The following TMEM181 variants were observed in gnomAD, a reference collection of about 807,000 sequenced individuals.
TMEM181 encodes transmembrane protein 181.
A neutral mutation model predicts 71.9 loss-of-function variants in TMEM181; 39 were observed. That is an observed-to-expected ratio of 0.54 (90% CI 0.42 to 0.71). TMEM181 has a LOEUF of 0.71. TMEM181 is among the 30% of genes least tolerant of loss of function. The probability of loss-of-function intolerance (pLI) is 0.00; values close to 1 mark genes in which losing one functional copy is unlikely to be tolerated. For missense variants in TMEM181, 595 were observed against 583.0 expected (o/e 1.02, Z -0.21); for synonymous variants, 245 against 228.8 (o/e 1.07, Z -0.64).
At position 158,571,488 on chromosome 6, in the gene TMEM181, C is replaced by T. The variant is rs542746432; in HGVS notation, c.9-1932C>T. 8.9e-5 allele frequency among the ~76,000 whole-genome samples: 12 copies of T among 134,568 alleles called. 3 individuals are homozygous for T. In the South Asian group the frequency reaches 9.3e-4, roughly 10 times the overall value. 88.3% of individuals were successfully genotyped at this position (134,568 alleles called of 152,430 possible). Reference sequence around the variant, plus strand: ...CTAATTTTTGTATTTTTAGTAGAGACGGGGTTTCATCGTGTTGGCCAGGAT... The same window carrying T: ...CTAATTTTTGTATTTTTAGTAGAGATGGGGTTTCATCGTGTTGGCCAGGAT... On this transcript the variant is annotated intron_variant, in intron 1 of 16. Transcript: ENST00000684151.
At chr6:158,577,166 CAG>C (rs1464800207) in intron 2 of TMEM181, among the ~76,000 whole-genome samples, 4 of 151,286 alleles carry the variant, frequency 2.6e-5, no homozygotes, top group Non-Finnish European at 5.9e-5. Context: ...GACCATATGA[CAG>C]ATCTGTTAGG....
chr6:158,603,027 CT>C (rs1487310381), intron 6 of TMEM181, among the ~76,000 whole-genome samples: 1 of 152,184 alleles, frequency 6.6e-6, no homozygotes, highest in Non-Finnish European at 1.5e-5. Flanking sequence ...TAAGATTTTT[CT>C]CTCACGGTGC....
At chr6:158,609,440 C>T (rs991393629) in intron 10 of TMEM181, among the ~76,000 whole-genome samples, 1 of 152,122 alleles carries the variant, frequency 6.6e-6, no homozygotes, top group Non-Finnish European at 1.5e-5. Context: ...TCCTTCTTTG[C>T]TCCTACCTTG....
chr6:158,538,641 G>T (rs768900366), intron 1 of TMEM181, among the ~76,000 whole-genome samples: 1 of 152,148 alleles, frequency 6.6e-6, no homozygotes, highest in African/African-American at 2.4e-5. Context: ...TCCTGCTGTT[G>T]TTCTAGGCGT....
intron 1 of TMEM181, among the ~76,000 whole-genome samples, chr6:158,543,231 A>G (rs1582913149): frequency 6.6e-6 from 1 of 152,170 alleles, no homozygotes; most frequent in Admixed American, 6.5e-5. Context: ...AAAAATAAAG[A>G]TATAATTTCC....
At position 158,615,666 on chromosome 6, in the gene TMEM181, G is replaced by A. The variant is rs374126015; in HGVS notation, c.896+6916G>A. 3.3e-5 allele frequency among the ~76,000 whole-genome samples: 5 copies of A among 152,174 alleles called. No individual in the cohort carries two copies. The East Asian group carries it at 7.7e-4, about 23-fold the overall frequency. ...CATCTTGAATTAATTTTTGTATAGGGTGTAAGGAAGAGATCCCATTTCAGC... is the reference window on the plus strand; with the variant it reads ...CATCTTGAATTAATTTTTGTATAGGATGTAAGGAAGAGATCCCATTTCAGC... On this transcript the variant is annotated intron_variant, in intron 10 of 16. Transcript: ENST00000684151.
At chr6:158,538,457 T>TTTTTA (rs1000999022) in intron 1 of TMEM181, among the ~76,000 whole-genome samples, 1 of 151,960 alleles carries the variant, frequency 6.6e-6, no homozygotes, top group Non-Finnish European at 1.5e-5. Context: ...GCCTGGCCTT[T>TTTTTA]TTTTTTTTTC....
At chr6:158,544,720 TGCTCA>T (rs1781469537) in intron 1 of TMEM181, among the ~76,000 whole-genome samples, 1 of 152,122 alleles carries the variant, frequency 6.6e-6, no homozygotes, top group Admixed American at 6.5e-5. Context: ...CCCCCTCCCC[TGCTCA>T]ATGGACAGCT....
intron 1 of TMEM181, among the ~76,000 whole-genome samples, chr6:158,545,399 C>T (rs886489157): frequency 6.6e-5 from 10 of 152,248 alleles, no homozygotes; most frequent in Admixed American, 4.6e-4. Flanking sequence ...TGACGGATCT[C>T]GCTGGAGCAG....
intron 1 of TMEM181, among the ~76,000 whole-genome samples, chr6:158,554,425 G>A (rs1781814202): frequency 6.6e-6 from 1 of 152,130 alleles, no homozygotes; most frequent in South Asian, 2.1e-4. Flanking sequence ...TTGCCATGTT[G>A]GCCAGGCTGG....
intron 1 of TMEM181, among the ~76,000 whole-genome samples, chr6:158,544,211 G>GTGTA (rs1303771643): frequency 4.6e-5 from 7 of 151,562 alleles, no homozygotes; most frequent in African/African-American, 1.7e-4. Context: ...GTGTGTGTGT[G>GTGTA]TGTGTGTTGG....
intron 3 of TMEM181, among the ~76,000 whole-genome samples, chr6:158,583,001 G>A (rs868065617): frequency 1.3e-5 from 2 of 152,098 alleles, no homozygotes; most frequent in African/African-American, 2.4e-5. Context: ...TTGGGAGGCC[G>A]AGGTGGGCTG....
At chr6:158,574,531 G>A (rs1012987385) in intron 2 of TMEM181, among the ~76,000 whole-genome samples, 6 of 152,116 alleles carry the variant, frequency 3.9e-5, no homozygotes, top group Non-Finnish European at 2.9e-5. Flanking sequence ...GCCACCTTCT[G>A]TTATTTTAAG....
rs1786802305 is a variant in TMEM181, at chr6:158,633,959, G to A, written c.*2071G>A. The stretch of plus-strand genomic sequence containing the variant: ...TTTAATCATAATTGTCCATGATTTT[G>A]GAATGCTGTTATTTATCAGTAAATG... On this transcript the variant is annotated 3_prime_UTR_variant, in exon 17 of 17. Coordinates refer to ENST00000684151, the MANE Select transcript of TMEM181 (RefSeq NM_001376852.1). 1 of 152,054 alleles carries A rather than the reference G, an allele frequency of 6.6e-6. No individual in the cohort carries two copies. 9.4% of individuals were successfully genotyped at this position (152,054 alleles called of 1,614,324 possible). A position where few individuals can be genotyped will look rare whatever the true frequency, so the allele number is the denominator to read the frequency against.
intron 1 of TMEM181, among the ~76,000 whole-genome samples, chr6:158,544,659 C>T (rs887540780): frequency 4.6e-5 from 7 of 152,158 alleles, no homozygotes; most frequent in Non-Finnish European, 8.8e-5. Flanking sequence ...GTCTTCCCGC[C>T]TTCCTTCCGG....
intron 10 of TMEM181, among the ~76,000 whole-genome samples, chr6:158,618,439 T>C (rs1785748749): frequency 6.6e-6 from 1 of 152,234 alleles, no homozygotes; most frequent in African/African-American, 2.4e-5. Context: ...GTCTTGACTC[T>C]TTATCCAATT....
intron 1 of TMEM181, among the ~76,000 whole-genome samples, chr6:158,562,110 G>A (rs1782213149): frequency 6.6e-6 from 1 of 151,876 alleles, no homozygotes. Flanking sequence ...GTGTGTAGGG[G>A]ACCGTCCCCC....
At chr6:158,599,692 C>G (rs1157652506) in intron 6 of TMEM181, among the ~76,000 whole-genome samples, 1 of 152,226 alleles carries the variant, frequency 6.6e-6, no homozygotes, top group Non-Finnish European at 1.5e-5. Flanking sequence ...GCTGGGCTTG[C>G]TCCTGTGGAC....
At chr6:158,585,201 A>C (rs1451585037) in intron 4 of TMEM181, 103 bp from the exon 5 acceptor site, 12 of 1,317,166 alleles carry the variant, frequency 9.1e-6, no homozygotes, top group Non-Finnish European at 1.2e-5. Context: ...TAAGGACCTT[A>C]AGCGTTTTCC....
Sources: gnomAD v4.1 joint callset for allele counts (sites outside exome capture counted in the v4.1 genomes callset) on GRCh38, gnomAD v4.1.1 for gene constraint, MANE v1.5 for transcripts, NCBI Gene and HGNC (gene_info 2026-07-23, HGNC 2026-07-21) for gene names.